The following TENM3 variants were observed in gnomAD, a reference collection of about 807,000 sequenced individuals.
The protein encoded by TENM3 is teneurin-3.
Under a neutral mutation model 255.1 loss-of-function variants are expected in TENM3, and 63 were observed. The ratio of observed to expected loss-of-function variants is 0.25; its 90% confidence interval spans 0.20 to 0.30. The LOEUF (loss-of-function observed/expected upper bound fraction) is 0.30, where lower values mean the gene tolerates loss of function less well. Among genes scored for constraint, TENM3 ranks in the 10% least tolerant of loss-of-function variants. The pLI is 1.00. For synonymous variants in TENM3, 1,306 were observed against 1,322.3 expected (o/e 0.99, Z 0.27); for missense variants, 2,929 against 3,461.1 (o/e 0.85, Z 3.86).
chr4:181,553,957 A>C, the TENM3 span, among the ~76,000 whole-genome samples: 2 of 152,140 alleles, frequency 1.3e-5, no homozygotes, highest in Non-Finnish European at 2.9e-5. Context: ...CCTCTCTGCC[A>C]GCTCTCCATG....
chr4:181,953,044 C>T, the TENM3 span, among the ~76,000 whole-genome samples: 9 of 152,266 alleles, frequency 5.9e-5, no homozygotes, highest in African/African-American at 1.4e-4. Flanking sequence ...TCCTGAAACA[C>T]GAGGTTTATG....
the TENM3 span, among the ~76,000 whole-genome samples, chr4:182,101,085 AGG>A: frequency 2.2e-4 from 3 of 13,336 alleles, no homozygotes; most frequent in Admixed American, 1.1e-3. Flanking sequence ...GAAGGGAGGG[AGG>A]GAGGGAGGGA....
intron 3 of TENM3, among the ~76,000 whole-genome samples, chr4:182,590,918 A>C (rs370102954): frequency 6.6e-6 from 1 of 152,176 alleles, no homozygotes. Context: ...TCCTCAGGAA[A>C]GCTATGCCAG....
chr4:181,531,340 T>C, the TENM3 span, among the ~76,000 whole-genome samples: 1 of 152,114 alleles, frequency 6.6e-6, no homozygotes, highest in African/African-American at 2.4e-5. Flanking sequence ...CCAGATAAAA[T>C]CTCTGTCTTC....
At chr4:182,317,620 T>C (rs1235145393) in intron 1 of TENM3, among the ~76,000 whole-genome samples, 2 of 152,132 alleles carry the variant, frequency 1.3e-5, no homozygotes, top group African/African-American at 2.4e-5. Context: ...GTGTTTTAAC[T>C]TTTTACCGCT....
intron 12 of TENM3, among the ~76,000 whole-genome samples, chr4:182,705,784 T>A (rs1758234647): frequency 6.6e-6 from 1 of 152,202 alleles, no homozygotes; most frequent in East Asian, 1.9e-4. Flanking sequence ...TCGTCCAACA[T>A]TTGTACATCC....
At chr4:181,667,164 CA>C in the TENM3 span, among the ~76,000 whole-genome samples, 1 of 152,160 alleles carries the variant, frequency 6.6e-6, no homozygotes, top group Non-Finnish European at 1.5e-5. Context: ...TCCCACTACA[CA>C]AAATGCTCCT....
the TENM3 span, among the ~76,000 whole-genome samples, chr4:181,968,395 G>A: frequency 6.6e-6 from 1 of 152,186 alleles, no homozygotes; most frequent in African/African-American, 2.4e-5. Context: ...CTCTCGCCAG[G>A]TGAGGGTCAT....
chr4:182,436,727 G>A (rs1340887530), intron 3 of TENM3, among the ~76,000 whole-genome samples: 2 of 152,144 alleles, frequency 1.3e-5, no homozygotes, highest in African/African-American at 4.8e-5. Context: ...ATGCACCAGT[G>A]CAATTCTTGG....
chr4:182,220,958 A>C (rs1251316827), intron 1 of TENM3, among the ~76,000 whole-genome samples: 1 of 152,214 alleles, frequency 6.6e-6, no homozygotes, highest in Non-Finnish European at 1.5e-5. Flanking sequence ...AGATATCTAC[A>C]TATCTTTTAG....
At chr4:182,672,876 G>A in intron 6 of TENM3, 129 bp from the exon 7 acceptor site, 1 of 663,222 alleles carries the variant, frequency 1.5e-6, no homozygotes, top group Non-Finnish European at 2.5e-6. Context: ...TTTTATGAAA[G>A]TAATATATCA....
At chr4:182,610,178 T>C (rs929879986) in intron 4 of TENM3, among the ~76,000 whole-genome samples, 1 of 152,166 alleles carries the variant, frequency 6.6e-6, no homozygotes, top group African/African-American at 2.4e-5. Context: ...TATGTAACAG[T>C]GATAATATGG....
At chr4:182,603,934 A>G (rs933957395) in intron 4 of TENM3, among the ~76,000 whole-genome samples, 2 of 151,956 alleles carry the variant, frequency 1.3e-5, no homozygotes, top group Admixed American at 1.3e-4. Context: ...TTCAGCACAA[A>G]TTGATAGTAA....
chr4:181,608,665 A>G, the TENM3 span, among the ~76,000 whole-genome samples: 1 of 151,922 alleles, frequency 6.6e-6, no homozygotes, highest in Non-Finnish European at 1.5e-5. Context: ...TTAGCAGCAT[A>G]CAGACCCAGT....
At chr4:182,176,824 T>A (rs972224575) in intron 1 of TENM3, among the ~76,000 whole-genome samples, 36,104 of 108,404 alleles carry the variant, frequency 0.33, 5,236 homozygotes, top group Non-Finnish European at 0.37. Flanking sequence ...CCGGCTAATT[T>A]TTTTTTTTTT....
chr4:182,440,520 A>G (rs777637258), intron 3 of TENM3, among the ~76,000 whole-genome samples: 6 of 152,060 alleles, frequency 3.9e-5, no homozygotes, highest in African/African-American at 9.7e-5. Flanking sequence ...TCCTGGGCCT[A>G]CATGTCTAGA....
At chr4:182,478,745 C>A (rs1733915018) in intron 3 of TENM3, among the ~76,000 whole-genome samples, 1 of 151,874 alleles carries the variant, frequency 6.6e-6, no homozygotes, top group South Asian at 2.1e-4. Context: ...ATACACAAAC[C>A]TGGGTAAATT....
At chr4:182,300,597 G>A (rs2150366566) in intron 1 of TENM3, among the ~76,000 whole-genome samples, 1 of 152,302 alleles carries the variant, frequency 6.6e-6, no homozygotes, top group Middle Eastern at 3.4e-3. Flanking sequence ...CTCCAGTGAA[G>A]CTGAGATCAG....
At chr4:182,215,966 G>A (rs773617776) in intron 1 of TENM3, among the ~76,000 whole-genome samples, 25 of 152,180 alleles carry the variant, frequency 1.6e-4, no homozygotes, top group Non-Finnish European at 3.1e-4. Flanking sequence ...CAGAGCTGGA[G>A]AAAACGACAC....
Sources: gnomAD v4.1 joint callset for allele counts (sites outside exome capture counted in the v4.1 genomes callset) on GRCh38, gnomAD v4.1.1 for gene constraint, MANE v1.5 for transcripts, NCBI Gene and HGNC (gene_info 2026-07-23, HGNC 2026-07-21) for gene names.